LMF1: variants seen among roughly 807,000 people sequenced by gnomAD.
LMF1 encodes the protein transmembrane protein 112.
LMF1 carries 68 observed loss-of-function variants against 60.6 expected under a neutral mutation model. That is an observed-to-expected ratio of 1.12 (90% CI 0.92 to 1.37). LMF1 has a LOEUF of 1.37. Among genes scored for constraint, LMF1 ranks in the 40% most tolerant of loss-of-function variants. LMF1 has a pLI of 0.00. For synonymous variants in LMF1, 418 were observed against 324.7 expected, an observed-to-expected ratio of 1.29 and a Z score of -3.09; for missense variants, 948 against 767.2, an observed-to-expected ratio of 1.24 and a Z score of -2.78.
intron 3 of LMF1, among the ~76,000 whole-genome samples, chr16:928,540 G>C (rs2151778248): frequency 6.6e-6 from 1 of 152,226 alleles, no homozygotes; most frequent in African/African-American, 2.4e-5. Context: ...CCCTTCCCTG[G>C]GTCCTGGGAC....
intron 10 of LMF1, among the ~76,000 whole-genome samples, chr16:865,796 C>T (rs2069594616): frequency 6.6e-6 from 1 of 152,202 alleles, no homozygotes. Context: ...TCTTCTGTTA[C>T]AGTCTCAGTC....
At chr16:910,213 T>C (rs985071487) in intron 4 of LMF1, among the ~76,000 whole-genome samples, 3 of 152,226 alleles carry the variant, frequency 2.0e-5, no homozygotes, top group Non-Finnish European at 4.4e-5. Context: ...GAGGTCACAT[T>C]ACTGAAGCTG....
chr16:975,206 G>A (rs1375281440), upstream of LMF1, among the ~76,000 whole-genome samples: 1 of 152,198 alleles, frequency 6.6e-6, no homozygotes, highest in East Asian at 1.9e-4. Flanking sequence ...AAGGAGATGC[G>A]GCTCCATGTG....
At chr16:906,652 GT>G (rs2070980014) in intron 4 of LMF1, among the ~76,000 whole-genome samples, 1 of 152,080 alleles carries the variant, frequency 6.6e-6, no homozygotes, top group African/African-American at 2.4e-5. Flanking sequence ...TGTTAGTTCT[GT>G]CCCTCGAGGG....
At chr16:976,858 C>CCCG in intron 1 of LMF1, 1 of 454,114 alleles carries the variant, frequency 2.2e-6, no homozygotes, top group Non-Finnish European at 4.4e-6. Context: ...ATGCGAACAG[C>CCCG]CTGGGCAGGG....
intron 4 of LMF1, chr16:893,421 C>T (rs189394911): frequency 3.0e-4 from 142 of 466,274 alleles, no homozygotes; most frequent in Admixed American, 7.7e-4. Context: ...TGCACAGACC[C>T]CACGGACAGT....
chr16:947,338 T>C (rs1050885099), intron 2 of LMF1: 5 of 383,466 alleles, frequency 1.3e-5, no homozygotes, highest in Non-Finnish European at 2.1e-5. Flanking sequence ...ACCCACCCAG[T>C]TGGGGCTACG....
chr16:926,024 G>T (rs1331471389), intron 3 of LMF1, among the ~76,000 whole-genome samples: 1 of 150,154 alleles, frequency 6.7e-6, no homozygotes, highest in East Asian at 2.0e-4. Context: ...CTTGCATATG[G>T]TCTGCATACC....
rs1481282304 is a variant in LMF1 at position 954,483 on chromosome 16, A to T, written c.377T>A (p.Leu126Gln). Reference sequence around the variant, plus strand: ...CAGTCCGAGAAGAGCCAGCAAGTCCAGGTTGGAGTTCATGTCTGACCAGTC... The same window carrying T: ...CAGTCCGAGAAGAGCCAGCAAGTCCTGGTTGGAGTTCATGTCTGACCAGTC... ...LMDWSDMNSN[L>Q]DLLALLGLGI... Residue 126 changes from leucine (L) to glutamine (Q), a missense_variant, in exon 2 of 11, where the codon CTG (leucine) becomes CAG (glutamine). Coordinates refer to ENST00000262301, the MANE Select transcript of LMF1 (RefSeq NM_022773.4). 6.2e-7 allele frequency: 1 copy of T among 1,612,716 alleles called. No homozygotes were observed. The highest frequency in any genetic ancestry group is 1.3e-5 in the African/African-American group (1 of 74,890).
At chr16:955,772 C>T (rs373911856) in intron 1 of LMF1, among the ~76,000 whole-genome samples, 10 of 152,360 alleles carry the variant, frequency 6.6e-5, no homozygotes, top group African/African-American at 2.2e-4. Flanking sequence ...GCTGACCAAC[C>T]GGACTGCACT....
intron 4 of LMF1, among the ~76,000 whole-genome samples, chr16:909,130 C>T (rs946151520): frequency 1.1e-4 from 16 of 152,276 alleles, no homozygotes; most frequent in African/African-American, 3.4e-4. Flanking sequence ...ATTAGGTGCT[C>T]GCATACCACC....
chr16:889,478 G>A (rs1041293859), intron 5 of LMF1, among the ~76,000 whole-genome samples: 3 of 152,028 alleles, frequency 2.0e-5, no homozygotes, highest in African/African-American at 7.3e-5. Context: ...CCCGGAGGGA[G>A]GAGTCCCGAG....
chr16:963,463 G>C (rs1455018725), intron 1 of LMF1, among the ~76,000 whole-genome samples: 1 of 152,080 alleles, frequency 6.6e-6, no homozygotes, highest in Non-Finnish European at 1.5e-5. Context: ...CTGTGTCCAT[G>C]TGTGCACGGG....
chr16:866,697 G>A (rs575470463), intron 10 of LMF1, among the ~76,000 whole-genome samples: 65 of 152,296 alleles, frequency 4.3e-4, no homozygotes, highest in Non-Finnish European at 2.2e-4. Context: ...TTTTTCTGTG[G>A]TGTTGCCTGG....
At chr16:959,697 C>T (rs2072782313) in intron 1 of LMF1, among the ~76,000 whole-genome samples, 1 of 152,230 alleles carries the variant, frequency 6.6e-6, no homozygotes, top group Admixed American at 6.5e-5. Context: ...ACAAACGCTG[C>T]ACTCCAGGGC....
rs1368586877 is a variant in LMF1, at chr16:956,051, GCGCC to G, written c.194-1389_194-1386del. 1.5e-5 allele frequency among the ~76,000 whole-genome samples: 2 copies of G among 137,412 alleles called. 1 individual carries two copies. Among genetic ancestry groups the G allele is most frequent in the African/African-American group, 5.9e-5 (2 of 33,892 alleles). 90.1% of individuals were successfully genotyped at this position (137,412 alleles called of 152,430 possible). A position where few individuals can be genotyped will look rare whatever the true frequency, so the allele number is the denominator to read the frequency against. On this transcript the variant is annotated intron_variant, in intron 1 of 10. Transcript: ENST00000262301. ...CAGGTCTCTGAGTTCACGTCTCACG[GCGCC>G]CACCGCACGACGGCTCTCTCACATC... is the stretch of plus-strand genomic sequence containing the variant.
At chr16:896,288 C>T (rs2070659183) in intron 4 of LMF1, among the ~76,000 whole-genome samples, 1 of 152,110 alleles carries the variant, frequency 6.6e-6, no homozygotes, top group Non-Finnish European at 1.5e-5. Flanking sequence ...GGCTCAGCCA[C>T]CCCGCGCACT....
At chr16:875,158 C>G (rs113492615) in intron 6 of LMF1, among the ~76,000 whole-genome samples, 1 of 152,072 alleles carries the variant, frequency 6.6e-6, no homozygotes, top group Non-Finnish European at 1.5e-5. Context: ...GCTGCCTGTG[C>G]CGGGTCTTTG....
chr16:866,882 C>A (rs999043117), intron 10 of LMF1, among the ~76,000 whole-genome samples: 1 of 152,210 alleles, frequency 6.6e-6, no homozygotes, highest in Admixed American at 6.5e-5. Flanking sequence ...CAAGCCTAGG[C>A]GATCACCACC....
Sources: allele counts gnomAD v4.1 joint callset (sites outside exome capture counted in the v4.1 genomes callset), GRCh38; gene constraint gnomAD v4.1.1; transcripts MANE v1.5; gene names NCBI Gene and HGNC (gene_info 2026-07-23, HGNC 2026-07-21).